The following OGFOD3 variants were observed in gnomAD, a reference collection of about 807,000 sequenced individuals.
OGFOD3 encodes 2-oxoglutarate and iron dependent oxygenase domain containing 3, also known as 2-oxoglutarate and iron-dependent oxygenase domain-containing protein 3.
In OGFOD3, 35 loss-of-function variants were observed where a neutral mutation model predicts 39.8. That is an observed-to-expected ratio of 0.88 (90% CI 0.67 to 1.17). OGFOD3 has a LOEUF of 1.17. Ranked by LOEUF, OGFOD3 falls within the 50% of genes most tolerant of loss-of-function variation. OGFOD3 has a pLI of 0.00. For synonymous variants in OGFOD3, 200 were observed against 192.0 expected, an observed-to-expected ratio of 1.04 and a Z score of -0.34; for missense variants, 438 against 454.5, an observed-to-expected ratio of 0.96 and a Z score of 0.33.
intron 8 of OGFOD3, among the ~76,000 whole-genome samples, chr17:82,395,180 C>T (rs762005597): frequency 4.6e-5 from 7 of 152,068 alleles, no homozygotes; most frequent in African/African-American, 1.2e-4. Context: ...TATAGGTGCA[C>T]GCCACCACAC....
chr17:82,392,351 C>T lies in OGFOD3; in HGVS notation c.*47G>A. The T allele has an allele frequency of 1.9e-6, 3 of 1,587,506 alleles. No homozygotes were observed. Among genetic ancestry groups the T allele is most frequent in the South Asian group, 1.1e-5 (1 of 87,212 alleles). ...GGGGGTGGGTGCACGACTGGCGCGG[C>T]TGCCTCCACACGGGCCCTCCTGAAG... is the stretch of plus-strand genomic sequence containing the variant. On this transcript the variant is annotated 3_prime_UTR_variant, in exon 9 of 9. Transcript: ENST00000313056. This position sits in a 1 kb window ranked among gnomAD's most constrained non-coding sequence, Gnocchi z 4.2.
chr17:82,398,127 C>T lies in OGFOD3; in HGVS notation c.823+69G>A, dbSNP rs138642025. On this transcript the variant is annotated intron_variant, in intron 8 of 8. Transcript: ENST00000313056. ...GAACTCAGCCTCGCTCCCAGGGACA[C>T]GCCCCCCACACCCACCGTGCTTGCC... 368 of 1,588,056 alleles carry T rather than the reference C, an allele frequency of 2.3e-4. 2 individuals are homozygous for T. In the African/African-American group the frequency reaches 2.9e-3, roughly 12 times the overall value.
chr17:82,395,927 T>G (rs2052665322), intron 8 of OGFOD3, among the ~76,000 whole-genome samples: 1 of 151,160 alleles, frequency 6.6e-6, no homozygotes, highest in African/African-American at 2.4e-5. Flanking sequence ...CAATTAGATG[T>G]ATGACATCAA....
rs367619725 is a variant in OGFOD3, at chr17:82,394,405, G to A, written c.824-1871C>T. 39 of 1,609,180 alleles carry A rather than the reference G, an allele frequency of 2.4e-5. No homozygotes were observed. The highest frequency in any genetic ancestry group is 3.1e-5 in the Non-Finnish European group (37 of 1,177,972). Reference sequence around the variant, plus strand: ...AGCAATGCTCTCAGCTTCCAGAATCGCATGTGTCTCTCCCCTCTCGGGCGG... The same window carrying A: ...AGCAATGCTCTCAGCTTCCAGAATCACATGTGTCTCTCCCCTCTCGGGCGG... On this transcript the variant is annotated intron_variant, in intron 8 of 8. Coordinates refer to ENST00000313056, the MANE Select transcript of OGFOD3 (RefSeq NM_024648.3).
At position 82,415,050 on chromosome 17, in the gene OGFOD3, C is replaced by T. The variant is rs1469396200; in HGVS notation, c.304+348G>A. Among the ~76,000 whole-genome samples the T allele has an allele frequency of 6.6e-6, 1 of 152,218 alleles. No homozygotes were observed. Among genetic ancestry groups the T allele is most frequent in the African/African-American group, 2.4e-5 (1 of 41,460 alleles). ...GGGGCACAGGACGGCAGAAGGGCTG[C>T]TGGTCGTTTCTTGTTACATTTTCCC... On this transcript the variant is annotated intron_variant, in intron 2 of 8. Coordinates refer to ENST00000313056, the MANE Select transcript of OGFOD3 (RefSeq NM_024648.3). This position sits in a 1 kb window ranked among gnomAD's most constrained non-coding sequence, Gnocchi z 5.3.
Position 82,411,519 on chromosome 17 carries a change from G to C in OGFOD3, c.316C>G (p.Arg106Gly). 1 of 1,613,994 alleles carries C rather than the reference G, an allele frequency of 6.2e-7. No individual in the cohort carries two copies. The highest frequency in any genetic ancestry group is 8.5e-7 in the Non-Finnish European group (1 of 1,179,950). The change falls in exon 3 of 9, where the codon CGA becomes GGA. Residue 106 changes from arginine to glycine, a missense_variant. Physicochemically the swap from Arg to Gly is moderately radical, Grantham distance 125 (BLOSUM62 -2). Coordinates refer to ENST00000313056, the MANE Select transcript of OGFOD3 (RefSeq NM_024648.3). ...SHRRFEGCTP[R>G]KCGRGVTDVV... The stretch of plus-strand genomic sequence containing the variant: ...TCGGTGACACCTCTGCCGCACTTTC[G>C]GGGAGTGCAGCCTGTGAAGGGACAG...
In OGFOD3 at chr17:82,409,907, A is replaced by AAG. The variant is rs71908507; in HGVS notation, c.381-499_381-498dup. 9.4e-3 allele frequency among the ~76,000 whole-genome samples: 1,406 copies of AAG among 150,296 alleles called. 15 individuals carry two copies. Among genetic ancestry groups the AAG allele is most frequent in the African/African-American group, 0.021 (843 of 41,118 alleles). ...AAGACTCTGTCAAGAAAGAAAGAAA[A>AAG]AGAGAGAGAGAGAGAGAGAGAGAAA... On this transcript the variant is annotated intron_variant, in intron 3 of 8. Transcript: ENST00000313056.
intron 1 of OGFOD3, among the ~76,000 whole-genome samples, chr17:82,417,618 CAAA>C (rs11413297): frequency 2.4e-5 from 3 of 127,598 alleles, no homozygotes; most frequent in Admixed American, 8.4e-5. Flanking sequence ...GCCTCTGTCT[CAAA>C]AAAAAAAAAA....
intron 4 of OGFOD3, 112 bp downstream of exon 4, chr17:82,409,256 C>T: frequency 9.2e-7 from 1 of 1,082,612 alleles, no homozygotes; most frequent in Non-Finnish European, 1.4e-6. Flanking sequence ...AGGCCCCACC[C>T]ACATTTGGGG....
intron 4 of OGFOD3, among the ~76,000 whole-genome samples, chr17:82,407,482 C>T (rs1015653957): frequency 6.6e-6 from 1 of 152,220 alleles, no homozygotes. Context: ...CACCACAGTG[C>T]GCGCCACGCC....
intron 1 of OGFOD3, 124 bp downstream of exon 1, chr17:82,418,288 C>T (rs2053111430): frequency 9.3e-6 from 1 of 107,606 alleles, no homozygotes; most frequent in South Asian, 1.4e-4. Flanking sequence ...CAGACCACGC[C>T]CACCTGCCCC....
chr17:82,395,542 C>G (rs556218732), intron 8 of OGFOD3, among the ~76,000 whole-genome samples: 1 of 152,224 alleles, frequency 6.6e-6, no homozygotes, highest in Non-Finnish European at 1.5e-5. Context: ...TGCGACACGG[C>G]CGGGCGTGGT....
intron 1 of OGFOD3, among the ~76,000 whole-genome samples, chr17:82,416,376 G>A (rs780860789): frequency 1.1e-3 from 168 of 152,356 alleles, no homozygotes; most frequent in Non-Finnish European, 2.1e-3. Context: ...TCTAGGACAG[G>A]CTGGTAGTGA....
chr17:82,398,392 T>G (rs2052712426), intron 7 of OGFOD3, 73 bp from the exon 8 acceptor site: 53 of 1,557,832 alleles, frequency 3.4e-5, no homozygotes, highest in Non-Finnish European at 4.5e-5. Flanking sequence ...TGCTTCTCTC[T>G]CTTATTTTTT....
chr17:82,418,245 A>G lies in OGFOD3; in HGVS notation c.74+167T>C, dbSNP rs375340894. On this transcript the variant is annotated intron_variant, in intron 1 of 8. Coordinates refer to ENST00000313056, the MANE Select transcript of OGFOD3 (RefSeq NM_024648.3). ...TCCCGCCCGCACCTGCCCTGCTCCCAGCATGGGCTGCGGTAGACCCCGCCC... is the reference window on the plus strand; with the variant it reads ...TCCCGCCCGCACCTGCCCTGCTCCCGGCATGGGCTGCGGTAGACCCCGCCC... 2.3e-3 allele frequency: 830 copies of G among 355,142 alleles called. 9 individuals carry two copies. Among genetic ancestry groups the G allele is most frequent in the African/African-American group, 0.019 (764 of 40,564 alleles). The allele number at this position is 355,142 out of a possible 1,614,324, so 22.0% of individuals were successfully genotyped here. A position where few individuals can be genotyped will look rare whatever the true frequency, so the allele number is the denominator to read the frequency against.
In OGFOD3 at chr17:82,398,265, C is replaced by G; in HGVS notation, c.754G>C (p.Glu252Gln). The G allele has an allele frequency of 6.2e-7, 1 of 1,614,186 alleles. No individual in the cohort carries two copies. The highest frequency in any genetic ancestry group is 1.3e-5 in the African/African-American group (1 of 75,040). Reference protein sequence around the residue: ...TSLLYLSNYLEDFGGGRFMFM... With the variant: ...TSLLYLSNYLQDFGGGRFMFM... ...ATGAACCGCCCTCCGCCGAAGTCCT[C>G]CAGGTAGTTGGAGAGGTACAGCAGC... is the stretch of plus-strand genomic sequence containing the variant. The change falls in exon 8 of 9, where the codon GAG becomes CAG. Residue 252 changes from glutamate (E) to glutamine (Q), a missense_variant. Glu to Gln is a conservative substitution (Grantham distance 29). Coordinates refer to ENST00000313056, the MANE Select transcript of OGFOD3 (RefSeq NM_024648.3).
Position 82,406,560 on chromosome 17 carries a change from G to T in OGFOD3, c.424-78C>A. The stretch of plus-strand genomic sequence containing the variant: ...GTTAAAAGTCATGGATGGTAAATGC[G>T]AGTTTCCAAGGTCTGGCCAGCACAC... On this transcript the variant is annotated intron_variant, in intron 4 of 8. Coordinates refer to ENST00000313056, the MANE Select transcript of OGFOD3 (RefSeq NM_024648.3). This position sits in a 1 kb window ranked among gnomAD's most constrained non-coding sequence, Gnocchi z 5.2. 1 of 1,244,402 alleles carries T rather than the reference G, an allele frequency of 8.0e-7. No individual in the cohort carries two copies. The highest frequency in any genetic ancestry group is 1.2e-6 in the Non-Finnish European group (1 of 846,504). The allele number at this position is 1,244,402 out of a possible 1,614,324, so 77.1% of individuals were successfully genotyped here. A position where few individuals can be genotyped will look rare whatever the true frequency, so the allele number is the denominator to read the frequency against.
intron 2 of OGFOD3, 45 bp from the exon 3 acceptor site, chr17:82,411,575 G>A (rs372569480): frequency 5.6e-5 from 85 of 1,525,006 alleles, no homozygotes; most frequent in East Asian, 1.1e-4. Flanking sequence ...CAAGGCCACC[G>A]GCGCATGCCC....
chr17:82,392,408 G>T lies in OGFOD3; in HGVS notation c.950C>A (p.Ala317Glu). Residue 317 changes from alanine (A) to glutamate (E), a missense_variant, in exon 9 of 9, where the codon GCG (alanine) becomes GAG (glutamate). Transcript: ENST00000313056. This position sits in a 1 kb window ranked among gnomAD's most constrained non-coding sequence, Gnocchi z 4.2. ...CNPDHGIEDP[A>E]FP ...TGGCCCGGCTGCTGGCTACGGGAAC[G>T]CTGGGTCCTCGATGCCATGGTCGGG... 1.2e-6 allele frequency: 2 copies of T among 1,611,424 alleles called. No homozygotes were observed. Among genetic ancestry groups the T allele is most frequent in the Non-Finnish European group, 1.7e-6 (2 of 1,179,416 alleles).
Sources: gnomAD v4.1 joint callset for allele counts (sites outside exome capture counted in the v4.1 genomes callset) on GRCh38, gnomAD v4.1.1 for gene constraint, Gnocchi (gnomAD v3.1) non-coding constraint, MANE v1.5 for transcripts, NCBI Gene and HGNC (gene_info 2026-07-23, HGNC 2026-07-21) for gene names.